The following CHRM5 variants were observed in gnomAD, a reference collection of about 807,000 sequenced individuals.
The protein encoded by CHRM5 is cholinergic receptor muscarinic 5, also known as muscarinic acetylcholine receptor M5.
A neutral mutation model predicts 39.0 loss-of-function variants in CHRM5; 18 were observed. The observed-to-expected ratio is 0.46, with a 90% confidence interval of 0.32 to 0.68. CHRM5 has a LOEUF of 0.68. Among genes scored for constraint, CHRM5 ranks in the 30% least tolerant of loss-of-function variants. The pLI, the probability that CHRM5 is intolerant of heterozygous loss-of-function variation, is 0.04. For synonymous variants in CHRM5, 241 were observed against 246.3 expected (o/e 0.98, Z 0.20); for missense variants, 515 against 651.1 (o/e 0.79, Z 2.28).
intron 1 of CHRM5, among the ~76,000 whole-genome samples, chr15:34,011,517 G>A (rs1017579909): frequency 1.3e-5 from 2 of 152,150 alleles, no homozygotes; most frequent in Non-Finnish European, 2.9e-5. Flanking sequence ...TTAAGAATGG[G>A]AATAAAATGA....
intron 1 of CHRM5, among the ~76,000 whole-genome samples, chr15:34,000,317 CTA>C (rs1897089815): frequency 6.6e-6 from 1 of 152,216 alleles, no homozygotes; most frequent in Non-Finnish European, 1.5e-5. Context: ...GTTCACCACT[CTA>C]TGTCCAGCCT....
intron 1 of CHRM5, among the ~76,000 whole-genome samples, chr15:34,005,329 T>A (rs1445301034): frequency 6.6e-6 from 1 of 152,234 alleles, no homozygotes; most frequent in Non-Finnish European, 1.5e-5. Context: ...AATTGTTTAT[T>A]CCTTAAGTCT....
At chr15:34,010,069 T>C (rs1200551827) in intron 1 of CHRM5, among the ~76,000 whole-genome samples, 2 of 151,704 alleles carry the variant, frequency 1.3e-5, no homozygotes, top group South Asian at 4.2e-4. Flanking sequence ...GAAGGGAGAA[T>C]AGAAAGTTTA....
chr15:34,031,490 T>A (rs1395601531), intron 1 of CHRM5, among the ~76,000 whole-genome samples: 1 of 152,180 alleles, frequency 6.6e-6, no homozygotes, highest in African/African-American at 2.4e-5. Flanking sequence ...AGGTTAATAT[T>A]AAAATGTTTG....
chr15:34,024,491 A>G (rs568134714), intron 1 of CHRM5, among the ~76,000 whole-genome samples: 125 of 148,538 alleles, frequency 8.4e-4, no homozygotes, highest in African/African-American at 2.9e-3. Flanking sequence ...AAAAAAAAAA[A>G]AAGAAGCACT....
At position 34,063,637 on chromosome 15, in the gene CHRM5, C is replaced by T. The variant is rs1367706605; in HGVS notation, c.920C>T (p.Pro307Leu). Reference sequence around the variant, plus strand: ...CAGCTCACCACCTGTAGCAGCTACCCTTCCTCAGAGGATGAGGACAAGCCC... The same window carrying T: ...CAGCTCACCACCTGTAGCAGCTACCTTTCCTCAGAGGATGAGGACAAGCCC... ...AEQLTTCSSYPSSEDEDKPAT... is the reference protein window; with the variant it reads ...AEQLTTCSSYLSSEDEDKPAT... The change falls in exon 3 of 3, where the codon CCT becomes CTT. Residue 307 changes from proline (P) to leucine (L), a missense_variant. Physicochemically the swap from Pro to Leu is moderately conservative, Grantham distance 98. Transcript: ENST00000383263. The surrounding 1 kb of genome is among the most constrained non-coding windows in gnomAD (Gnocchi z 4.1). 6.2e-7 allele frequency: 1 copy of T among 1,613,994 alleles called. No individual in the cohort carries two copies. Among genetic ancestry groups the T allele is most frequent in the East Asian group, 2.2e-5 (1 of 44,882 alleles).
At chr15:34,053,873 T>C (rs563906354) in intron 2 of CHRM5, among the ~76,000 whole-genome samples, 51 of 152,098 alleles carry the variant, frequency 3.4e-4, no homozygotes, top group African/African-American at 1.2e-3. Flanking sequence ...AAAGAAACTA[T>C]CATCAGAGTG....
At chr15:34,037,551 A>G (rs1899204024) in intron 1 of CHRM5, among the ~76,000 whole-genome samples, 1 of 149,098 alleles carries the variant, frequency 6.7e-6, no homozygotes, top group Non-Finnish European at 1.5e-5. Context: ...TTACATATAT[A>G]TTATATATAT....
rs769916088 is a variant in CHRM5, at chr15:34,044,096, G to GA, written c.-407-2430dup. Reference sequence around the variant, plus strand: ...TGTATTTTCGCCCTTTAAAAAAAATGAAAAAAAAAAAAAACTTCTTGGCTT... The same window carrying GA: ...TGTATTTTCGCCCTTTAAAAAAAATGAAAAAAAAAAAAAAACTTCTTGGCTT... On this transcript the variant is annotated intron_variant, in intron 1 of 2. Coordinates refer to ENST00000383263, the MANE Select transcript of CHRM5 (RefSeq NM_012125.4). Among the ~76,000 whole-genome samples, 603 of 128,408 alleles carry GA rather than the reference G, an allele frequency of 4.7e-3. 2 individuals carry two copies. Among genetic ancestry groups the GA allele is most frequent in the Middle Eastern group, 0.018 (5 of 272 alleles). 84.2% of individuals were successfully genotyped at this position (128,408 alleles called of 152,430 possible).
At chr15:34,035,874 A>G (rs1464952457) in intron 1 of CHRM5, among the ~76,000 whole-genome samples, 2 of 152,180 alleles carry the variant, frequency 1.3e-5, no homozygotes, top group Non-Finnish European at 2.9e-5. Flanking sequence ...AGCTCACTGC[A>G]GCCTCCACCT....
intron 1 of CHRM5, among the ~76,000 whole-genome samples, chr15:34,017,497 T>TTTTG (rs1555516616): frequency 5.2e-5 from 7 of 133,360 alleles, no homozygotes; most frequent in South Asian, 2.4e-4. Context: ...TTTTTTTTTT[T>TTTTG]TTTGAGACAG....
chr15:34,008,648 C>T (rs1385492249), intron 1 of CHRM5, among the ~76,000 whole-genome samples: 1 of 135,270 alleles, frequency 7.4e-6, no homozygotes, highest in Non-Finnish European at 1.5e-5. Context: ...GCCACCATGG[C>T]AGGCTAATTT....
chr15:34,034,657 G>A (rs75534432), intron 1 of CHRM5, among the ~76,000 whole-genome samples: 2,411 of 152,214 alleles, frequency 0.016, 72 homozygotes, highest in African/African-American at 0.055. Context: ...AGTTGTCTGT[G>A]TTGATATTGA....
At chr15:34,015,312 C>T (rs1162946566) in intron 1 of CHRM5, among the ~76,000 whole-genome samples, 1 of 151,816 alleles carries the variant, frequency 6.6e-6, no homozygotes, top group Non-Finnish European at 1.5e-5. Flanking sequence ...TGAAACCCCA[C>T]CTCTACTAAA....
intron 1 of CHRM5, chr15:34,038,737 C>G: frequency 8.8e-7 from 1 of 1,140,028 alleles, no homozygotes; most frequent in Non-Finnish European, 1.1e-6. Flanking sequence ...CCCACTTGCC[C>G]CAGTTACACG....
intron 1 of CHRM5, among the ~76,000 whole-genome samples, chr15:34,036,146 C>T (rs1899114276): frequency 6.6e-6 from 1 of 151,846 alleles, no homozygotes; most frequent in South Asian, 2.1e-4. Context: ...TACAATAATG[C>T]TTCTAGTGAG....
intron 1 of CHRM5, among the ~76,000 whole-genome samples, chr15:34,040,820 G>A (rs1213687607): frequency 6.6e-6 from 1 of 151,490 alleles, no homozygotes; most frequent in East Asian, 1.9e-4. Context: ...GGGAGGCTAA[G>A]ATAGAGAATC....
chr15:34,012,292 A>G (rs1395852921), intron 1 of CHRM5, among the ~76,000 whole-genome samples: 2 of 152,094 alleles, frequency 1.3e-5, no homozygotes, highest in Non-Finnish European at 1.5e-5. Context: ...ACACACAATA[A>G]GTAGTGACAC....
At chr15:33,975,962 C>T (rs1274259048) in intron 1 of CHRM5, among the ~76,000 whole-genome samples, 10 of 152,046 alleles carry the variant, frequency 6.6e-5, no homozygotes, top group Admixed American at 6.6e-4. Flanking sequence ...ATACCAGGTC[C>T]CTTGCATAAT....
Sources: allele counts gnomAD v4.1 joint callset (sites outside exome capture counted in the v4.1 genomes callset), GRCh38; gene constraint gnomAD v4.1.1; non-coding constraint Gnocchi (gnomAD v3.1); transcripts MANE v1.5; gene names NCBI Gene and HGNC (gene_info 2026-07-23, HGNC 2026-07-21).